The following MATCAP1 variants were observed in gnomAD, a reference collection of about 807,000 sequenced individuals.
The protein encoded by MATCAP1 is microtubule-associated tyrosine carboxypeptidase 1.
the MATCAP1 span, chr16:67,178,372 C>G: frequency 1.3e-6 from 2 of 1,559,368 alleles, no homozygotes; most frequent in Non-Finnish European, 1.7e-6. Context: ...CGGCTGCTTG[C>G]GGAACAGCAC....
chr16:67,176,851 C>T, the MATCAP1 span: 46 of 1,608,060 alleles, frequency 2.9e-5, no homozygotes, highest in East Asian at 1.6e-4. The surrounding 1 kb of genome is among the most constrained non-coding windows in gnomAD (Gnocchi z 4.3). Flanking sequence ...CTCATCCAGC[C>T]GGTTGGTGGC....
chr16:67,175,715 C>G, the MATCAP1 span: 2 of 152,388 alleles, frequency 1.3e-5, no homozygotes, highest in Non-Finnish European at 2.9e-5. Flanking sequence ...TATTCGCTTA[C>G]TAAATGAATA....
the MATCAP1 span, among the ~76,000 whole-genome samples, chr16:67,177,467 CAACCCA>C: frequency 6.6e-6 from 1 of 152,322 alleles, no homozygotes; most frequent in African/African-American, 2.4e-5. Flanking sequence ...CCTTCATCTC[CAACCCA>C]GCGGCCACTG....
At chr16:67,180,567 G>T in the MATCAP1 span, 1 of 1,527,648 alleles carries the variant, frequency 6.5e-7, no homozygotes, top group Non-Finnish European at 8.8e-7. Flanking sequence ...AGGCGGGCTG[G>T]GGGGTGCCTG....
the MATCAP1 span, chr16:67,178,286 C>T: frequency 3.4e-5 from 54 of 1,576,890 alleles, no homozygotes; most frequent in Admixed American, 2.2e-4. Flanking sequence ...CGCTCCAGGT[C>T]CTGGAAGAGC....
the MATCAP1 span, among the ~76,000 whole-genome samples, chr16:67,182,177 AG>A: frequency 7.0e-6 from 1 of 143,100 alleles, no homozygotes; most frequent in African/African-American, 2.6e-5. Flanking sequence ...TGAACCCGGG[AG>A]GCGGAGTTTG....
At chr16:67,175,758 G>A in the MATCAP1 span, 1 of 152,246 alleles carries the variant, frequency 6.6e-6, no homozygotes, top group African/African-American at 2.4e-5. Flanking sequence ...GAGTTTTACA[G>A]ATGGGAAAAC....
the MATCAP1 span, chr16:67,179,239 G>C: frequency 7.0e-7 from 1 of 1,421,028 alleles, no homozygotes; most frequent in Middle Eastern, 2.6e-4. This position sits in a 1 kb window ranked among gnomAD's most constrained non-coding sequence, Gnocchi z 5.2. Flanking sequence ...CCCAGAGCAT[G>C]GGCAGGCATG....
the MATCAP1 span, chr16:67,177,013 C>G: frequency 6.8e-7 from 1 of 1,471,564 alleles, no homozygotes. Context: ...TAGGCAGTGG[C>G]CCCTGGCTTT....
At chr16:67,176,794 G>A in the MATCAP1 span, 1 of 1,554,296 alleles carries the variant, frequency 6.4e-7, no homozygotes, top group Non-Finnish European at 8.7e-7. This position sits in a 1 kb window ranked among gnomAD's most constrained non-coding sequence, Gnocchi z 4.3. Flanking sequence ...GCCTCTGACT[G>A]CAGCCCTCAA....
the MATCAP1 span, chr16:67,178,242 G>A: frequency 3.2e-6 from 5 of 1,558,356 alleles, no homozygotes; most frequent in Non-Finnish European, 4.3e-6. Context: ...CGCGCACGCA[G>A]TACTCCCAGC....
chr16:67,178,374 G>C, the MATCAP1 span: 1 of 1,559,932 alleles, frequency 6.4e-7, no homozygotes. Flanking sequence ...GCTGCTTGCG[G>C]AACAGCACGC....
At chr16:67,181,737 C>T in the MATCAP1 span, 1 of 152,360 alleles carries the variant, frequency 6.6e-6, no homozygotes, top group Non-Finnish European at 1.5e-5. Context: ...AACCCACACT[C>T]CTCCAGCTAC....
At chr16:67,177,016 C>T in the MATCAP1 span, 1 of 1,469,424 alleles carries the variant, frequency 6.8e-7, no homozygotes. Context: ...GCAGTGGCCC[C>T]TGGCTTTCAG....
At chr16:67,180,304 C>T in the MATCAP1 span, 571 of 1,612,304 alleles carry the variant, frequency 3.5e-4, no homozygotes, top group Non-Finnish European at 4.6e-4. Flanking sequence ...CGTCCCCGTC[C>T]AGGTGGAGGC....
chr16:67,180,586 C>T, the MATCAP1 span: 2 of 1,521,178 alleles, frequency 1.3e-6, no homozygotes, highest in Non-Finnish European at 1.8e-6. Context: ...TGATCATACG[C>T]CTGAGCCCCT....
the MATCAP1 span, chr16:67,176,464 CA>C: frequency 1.0e-5 from 2 of 198,588 alleles, no homozygotes; most frequent in African/African-American, 4.6e-5. The surrounding 1 kb of genome is among the most constrained non-coding windows in gnomAD (Gnocchi z 4.3). Flanking sequence ...CTGGGACAAC[CA>C]AAGCCATCTC....
chr16:67,182,391 G>C, the MATCAP1 span, among the ~76,000 whole-genome samples: 1 of 152,264 alleles, frequency 6.6e-6, no homozygotes. Context: ...TAATGCTCCA[G>C]GACTTGCCTA....
the MATCAP1 span, chr16:67,179,906 A>G: frequency 1.2e-6 from 2 of 1,614,092 alleles, no homozygotes; most frequent in African/African-American, 2.7e-5. This position sits in a 1 kb window ranked among gnomAD's most constrained non-coding sequence, Gnocchi z 5.2. Context: ...GGCAGCCTCA[A>G]AGTGTTCATA....
Sources: gnomAD v4.1 joint callset for allele counts (sites outside exome capture counted in the v4.1 genomes callset) on GRCh38, gnomAD v4.1.1 for gene constraint, Gnocchi (gnomAD v3.1) non-coding constraint, MANE v1.5 for transcripts, NCBI Gene and HGNC (gene_info 2026-07-23, HGNC 2026-07-21) for gene names.